Variants in ICA1 observed in about 807,000 individuals in gnomAD.
ICA1 encodes 69 kDa islet cell autoantigen.
In ICA1, 40 loss-of-function variants were observed where a neutral mutation model predicts 71.0. That is an observed-to-expected ratio of 0.56 (90% CI 0.44 to 0.73). The LOEUF is 0.73. Ranked by LOEUF, ICA1 falls within the 30% of genes least tolerant of loss-of-function variation. The probability of loss-of-function intolerance (pLI) is 0.00; values close to 1 mark genes in which losing one functional copy is unlikely to be tolerated. For missense variants in ICA1, 578 were observed against 576.5 expected, an observed-to-expected ratio of 1.00 and a Z score of -0.03; for synonymous variants, 207 against 209.5, an observed-to-expected ratio of 0.99 and a Z score of 0.10.
At chr7:8,251,235 T>C (rs180801100) in intron 1 of ICA1, among the ~76,000 whole-genome samples, 53 of 152,154 alleles carry the variant, frequency 3.5e-4, no homozygotes, top group Non-Finnish European at 8.8e-5. Context: ...AGAACTCAGG[T>C]GTTATATACA....
At chr7:8,208,239 A>T (rs1263428056) in intron 6 of ICA1, among the ~76,000 whole-genome samples, 1 of 152,216 alleles carries the variant, frequency 6.6e-6, no homozygotes, top group Admixed American at 6.5e-5. Flanking sequence ...CAGTCACCGA[A>T]GTCTGTTTGT....
chr7:8,164,488 C>A (rs917394564), intron 6 of ICA1, among the ~76,000 whole-genome samples: 14 of 151,982 alleles, frequency 9.2e-5, no homozygotes, highest in African/African-American at 3.1e-4. Context: ...CTCCTCTGTA[C>A]CTGACTACCC....
At chr7:8,126,911 G>C (rs556173493) in intron 13 of ICA1, among the ~76,000 whole-genome samples, 1 of 152,082 alleles carries the variant, frequency 6.6e-6, no homozygotes, top group African/African-American at 2.4e-5. Context: ...TCCAATGCTA[G>C]CAATTCTCAG....
intron 1 of ICA1, among the ~76,000 whole-genome samples, chr7:8,241,001 AT>A (rs1803650653): frequency 6.6e-6 from 1 of 152,238 alleles, no homozygotes; most frequent in South Asian, 2.1e-4. Context: ...TCAGGATATT[AT>A]CCAGGAGAAT....
At chr7:8,142,353 G>A (rs80009826) in intron 9 of ICA1, among the ~76,000 whole-genome samples, 4,844 of 152,264 alleles carry the variant, frequency 0.032, 243 homozygotes, top group African/African-American at 0.11. Context: ...TCCTAGCACC[G>A]TGATGCACCT....
At chr7:8,162,201 C>T (rs892278288) in intron 6 of ICA1, among the ~76,000 whole-genome samples, 3 of 152,094 alleles carry the variant, frequency 2.0e-5, no homozygotes, top group Admixed American at 2.0e-4. Flanking sequence ...CATGAATTAG[C>T]GTAGTTTGAA....
Position 8,141,768 on chromosome 7 carries a change from T to G in ICA1, c.952A>C (p.Lys318Gln). The G allele has an allele frequency of 1.3e-6, 2 of 1,549,206 alleles. No homozygotes were observed. Among genetic ancestry groups the G allele is most frequent in the Non-Finnish European group, 1.8e-6 (2 of 1,130,894 alleles). ...ENQRKESSSF[K>Q]TEDGKSILSA... is the part of the protein sequence containing the mutation. ...CTAAATAAAAATCAAAACTTACTCT[T>G]AAAACTAGAGGATTCCTTGCGCTGG... The change falls in exon 10 of 14, where the codon AAG becomes CAG. Residue 318 changes from lysine to glutamine, a missense_variant. Lys to Gln is a moderately conservative substitution (Grantham distance 53). Transcript: ENST00000402384.
At chr7:8,141,002 G>A (rs1795046322) in intron 10 of ICA1, among the ~76,000 whole-genome samples, 2 of 152,178 alleles carry the variant, frequency 1.3e-5, no homozygotes, top group African/African-American at 4.8e-5. Context: ...ACACAGTGTT[G>A]GGGTAATTTT....
intron 8 of ICA1, chr7:8,156,692 G>A: frequency 1.3e-6 from 1 of 774,912 alleles, no homozygotes; most frequent in Non-Finnish European, 1.9e-6. Context: ...AGAGAGGAAA[G>A]GAGGACACCT....
At chr7:8,181,292 T>C (rs995301734) in intron 6 of ICA1, among the ~76,000 whole-genome samples, 5 of 152,304 alleles carry the variant, frequency 3.3e-5, no homozygotes, top group Middle Eastern at 3.4e-3. Context: ...TGACCTTATA[T>C]GTGTGGGATT....
intron 9 of ICA1, 82 bp downstream of exon 9, chr7:8,143,793 C>A: frequency 4.7e-6 from 4 of 852,546 alleles, no homozygotes; most frequent in Non-Finnish European, 7.9e-6. Flanking sequence ...GCGTCTGAGG[C>A]CCAGCCAGGT....
chr7:8,181,524 T>C (rs932135266), intron 6 of ICA1, among the ~76,000 whole-genome samples: 2 of 152,170 alleles, frequency 1.3e-5, no homozygotes, highest in Non-Finnish European at 2.9e-5. Flanking sequence ...GGATTTTGAA[T>C]GGTGTTGCAT....
At chr7:8,155,923 A>G (rs1232827081) in intron 8 of ICA1, among the ~76,000 whole-genome samples, 1 of 152,198 alleles carries the variant, frequency 6.6e-6, no homozygotes, top group East Asian at 1.9e-4. Context: ...AAAAGAGGAT[A>G]CATAAGAAAT....
chr7:8,166,655 C>G (rs943690350), intron 6 of ICA1, among the ~76,000 whole-genome samples: 3 of 152,042 alleles, frequency 2.0e-5, no homozygotes, highest in Non-Finnish European at 1.5e-5. Flanking sequence ...CCAAAGTAAA[C>G]TAAAGAGCTT....
At chr7:8,206,926 T>C (rs894071173) in intron 6 of ICA1, among the ~76,000 whole-genome samples, 5 of 152,198 alleles carry the variant, frequency 3.3e-5, no homozygotes, top group Non-Finnish European at 7.3e-5. Flanking sequence ...CCTGAACCTC[T>C]CTCAGAACAT....
chr7:8,182,505 T>C, intron 6 of ICA1, among the ~76,000 whole-genome samples: 1 of 152,194 alleles, frequency 6.6e-6, no homozygotes, highest in East Asian at 1.9e-4. Context: ...CAGAAGTCAT[T>C]AAAGTCATTA....
At chr7:8,231,020 T>C (rs1225292236) in intron 3 of ICA1, among the ~76,000 whole-genome samples, 2 of 151,680 alleles carry the variant, frequency 1.3e-5, no homozygotes, top group Non-Finnish European at 2.9e-5. Context: ...GATAATTCAA[T>C]GAGAGATGAG....
chr7:8,162,061 C>T (rs935537951), intron 6 of ICA1, among the ~76,000 whole-genome samples: 8 of 152,174 alleles, frequency 5.3e-5, no homozygotes, highest in South Asian at 2.1e-4. Context: ...GATTTTCTAA[C>T]GAAATGCGAA....
At chr7:8,204,060 G>C (rs1790652781) in intron 6 of ICA1, among the ~76,000 whole-genome samples, 1 of 142,162 alleles carries the variant, frequency 7.0e-6, no homozygotes, top group African/African-American at 2.9e-5. Flanking sequence ...AGAGAGATTG[G>C]TGAGAAGGAA....
Sources: allele counts gnomAD v4.1 joint callset (sites outside exome capture counted in the v4.1 genomes callset), GRCh38; gene constraint gnomAD v4.1.1; transcripts MANE v1.5; gene names NCBI Gene and HGNC (gene_info 2026-07-23, HGNC 2026-07-21).